The following CSMD1 variants were observed in gnomAD, a reference collection of about 807,000 sequenced individuals.
CSMD1 encodes the protein CUB and Sushi multiple domains 1, also known as CUB and sushi domain-containing protein 1.
Under a neutral mutation model 417.5 loss-of-function variants are expected in CSMD1, and 213 were observed. The ratio of observed to expected loss-of-function variants is 0.51; its 90% CI spans 0.46 to 0.57. CSMD1 has a LOEUF of 0.57. Ranked by LOEUF, CSMD1 falls within the 20% of genes least tolerant of loss-of-function variation. The probability of loss-of-function intolerance (pLI) is 0.00; values close to 1 mark genes in which losing one functional copy is unlikely to be tolerated. For synonymous variants in CSMD1, 2,862 were observed against 1,736.8 expected, an observed-to-expected ratio of 1.65 and a Z score of -16.11; for missense variants, 6,923 against 4,529.7, an observed-to-expected ratio of 1.53 and a Z score of -15.17.
At chr8:3,368,673 C>G (rs1401590421) in intron 19 of CSMD1, among the ~76,000 whole-genome samples, 3 of 152,116 alleles carry the variant, frequency 2.0e-5, no homozygotes, top group Admixed American at 6.6e-5. Context: ...CGTTTAGTCA[C>G]AGAAAAAAGT....
At chr8:3,970,775 G>A (rs1032521897) in intron 5 of CSMD1, among the ~76,000 whole-genome samples, 1 of 151,982 alleles carries the variant, frequency 6.6e-6, no homozygotes, top group Non-Finnish European at 1.5e-5. Context: ...TGTTTTTGAT[G>A]GAGTTTCACT....
At chr8:3,392,268 T>A (rs905714648) in intron 17 of CSMD1, among the ~76,000 whole-genome samples, 4 of 151,888 alleles carry the variant, frequency 2.6e-5, no homozygotes, top group African/African-American at 9.7e-5. Flanking sequence ...AAAAATAAAA[T>A]AAATAAAAAT....
chr8:4,003,041 AT>A (rs1429962259), intron 4 of CSMD1, among the ~76,000 whole-genome samples: 10 of 152,220 alleles, frequency 6.6e-5, no homozygotes, highest in South Asian at 2.1e-4. Context: ...CAATAAAAAA[AT>A]ATTTGCAACA....
intron 2 of CSMD1, among the ~76,000 whole-genome samples, chr8:4,622,358 C>T (rs543971581): frequency 6.6e-6 from 1 of 152,052 alleles, no homozygotes; most frequent in African/African-American, 2.4e-5. Context: ...ACACTCCACA[C>T]AGTCCAGCAC....
chr8:4,037,806 G>T (rs1335546939), intron 3 of CSMD1, among the ~76,000 whole-genome samples: 5 of 152,042 alleles, frequency 3.3e-5, no homozygotes, highest in Non-Finnish European at 5.9e-5. Flanking sequence ...GGTTGGAATT[G>T]AATCTTTTTA....
chr8:4,526,181 G>A (rs1032991271), intron 2 of CSMD1, among the ~76,000 whole-genome samples: 6 of 152,204 alleles, frequency 3.9e-5, no homozygotes, highest in African/African-American at 1.4e-4. Flanking sequence ...TGATTTTTGA[G>A]TAGAAACTTT....
At chr8:3,294,685 AG>A (rs1401572779) in intron 25 of CSMD1, among the ~76,000 whole-genome samples, 5 of 152,152 alleles carry the variant, frequency 3.3e-5, no homozygotes, top group African/African-American at 1.2e-4. Flanking sequence ...GCCCAGTATT[AG>A]GGTGGGAGTG....
chr8:4,774,882 G>C (rs887233673), intron 1 of CSMD1, among the ~76,000 whole-genome samples: 19 of 152,136 alleles, frequency 1.2e-4, no homozygotes, highest in African/African-American at 3.6e-4. Context: ...ATGACTGAAA[G>C]TTACCTGAGG....
intron 2 of CSMD1, among the ~76,000 whole-genome samples, chr8:4,570,973 G>A (rs2130654427): frequency 6.6e-6 from 1 of 152,232 alleles, no homozygotes; most frequent in East Asian, 1.9e-4. Context: ...GTATTTCTGT[G>A]GGATTGGTGG....
At chr8:3,293,850 G>A (rs549279100) in intron 25 of CSMD1, among the ~76,000 whole-genome samples, 28 of 152,298 alleles carry the variant, frequency 1.8e-4, no homozygotes, top group African/African-American at 4.8e-4. Flanking sequence ...TCTCCATCCA[G>A]CTTTGTTCCA....
chr8:4,882,394 G>T (rs1173601679), intron 1 of CSMD1, among the ~76,000 whole-genome samples: 1 of 151,756 alleles, frequency 6.6e-6, no homozygotes, highest in Non-Finnish European at 1.5e-5. Flanking sequence ...GAGTATTGGG[G>T]AGCGAGTTTG....
At chr8:3,821,717 G>A (rs958194163) in intron 5 of CSMD1, among the ~76,000 whole-genome samples, 5 of 152,194 alleles carry the variant, frequency 3.3e-5, no homozygotes, top group African/African-American at 1.2e-4. Context: ...AGGAGCGGGA[G>A]GTTGCAGTGA....
At chr8:3,967,426 C>G (rs1319924305) in intron 5 of CSMD1, among the ~76,000 whole-genome samples, 5 of 149,336 alleles carry the variant, frequency 3.3e-5, no homozygotes, top group African/African-American at 1.2e-4. Flanking sequence ...CTGATGCTTT[C>G]AAAGTCCTCA....
chr8:3,243,557 TG>T (rs1176834089), intron 26 of CSMD1, among the ~76,000 whole-genome samples: 1 of 151,872 alleles, frequency 6.6e-6, no homozygotes, highest in Admixed American at 6.6e-5. Context: ...GAGAAGGAAT[TG>T]CACAAGATAA....
At chr8:2,939,177 T>G (rs528532180) in intron 69 of CSMD1, among the ~76,000 whole-genome samples, 1 of 152,168 alleles carries the variant, frequency 6.6e-6, no homozygotes, top group Non-Finnish European at 1.5e-5. Flanking sequence ...CGGATTGGTT[T>G]TGTTTTGGAT....
chr8:3,436,359 T>C (rs1317858666), intron 12 of CSMD1, among the ~76,000 whole-genome samples: 1 of 152,208 alleles, frequency 6.6e-6, no homozygotes, highest in Admixed American at 6.5e-5. Context: ...ATTACTATTA[T>C]TGTTATTATT....
At chr8:3,647,863 A>G (rs1797655925) in intron 7 of CSMD1, among the ~76,000 whole-genome samples, 1 of 152,230 alleles carries the variant, frequency 6.6e-6, no homozygotes, top group Admixed American at 6.5e-5. Context: ...TTTTCTAACT[A>G]TTCTTGTAAC....
intron 3 of CSMD1, among the ~76,000 whole-genome samples, chr8:4,158,612 G>A (rs1484819566): frequency 6.6e-6 from 1 of 152,106 alleles, no homozygotes; most frequent in Admixed American, 6.5e-5. Flanking sequence ...TTCTGGCCCA[G>A]AAATGATAAT....
chr8:3,465,168 T>A (rs1332924765), intron 12 of CSMD1, among the ~76,000 whole-genome samples: 1 of 152,102 alleles, frequency 6.6e-6, no homozygotes, highest in Non-Finnish European at 1.5e-5. Context: ...TCCCTGTTGT[T>A]TTTCAGTCTC....
Sources: allele counts gnomAD v4.1 joint callset (sites outside exome capture counted in the v4.1 genomes callset), GRCh38; gene constraint gnomAD v4.1.1; transcripts MANE v1.5; gene names NCBI Gene and HGNC (gene_info 2026-07-23, HGNC 2026-07-21).